The following ASPSCR1 variants were observed in gnomAD, a reference collection of about 807,000 sequenced individuals.
ASPSCR1 encodes ASPSCR1 tether for SLC2A4, UBX domain containing.
A neutral mutation model predicts 68.9 loss-of-function variants in ASPSCR1; 55 were observed. The observed-to-expected ratio is 0.80, with a 90% confidence interval of 0.64 to 1.00. ASPSCR1 has a LOEUF of 1.00. Ranked by LOEUF, ASPSCR1 falls within the 50% of genes least tolerant of loss-of-function variation. ASPSCR1 has a pLI of 0.00. For synonymous variants in ASPSCR1, 352 were observed against 332.6 expected, an observed-to-expected ratio of 1.06 and a Z score of -0.63; for missense variants, 765 against 762.2, an observed-to-expected ratio of 1.00 and a Z score of -0.04.
chr17:82,001,585 G>A (rs941278813), intron 7 of ASPSCR1, among the ~76,000 whole-genome samples: 3 of 152,196 alleles, frequency 2.0e-5, no homozygotes, highest in African/African-American at 7.2e-5. Context: ...AGGAACCCCG[G>A]GGGGTAGGGG....
chr17:82,012,058 C>A, intron 11 of ASPSCR1, 173 bp from the exon 12 acceptor site: 1 of 832,588 alleles, frequency 1.2e-6, no homozygotes, highest in Non-Finnish European at 2.0e-6. Flanking sequence ...CCGGCCCTTC[C>A]GAGCCCTCAG....
chr17:82,008,875 C>T (rs2144084887), intron 7 of ASPSCR1, 162 bp from the exon 8 acceptor site: 2 of 1,031,566 alleles, frequency 1.9e-6, no homozygotes, highest in South Asian at 1.9e-5. Flanking sequence ...GTGCCCAGCC[C>T]TGCCCCCAGG....
Position 81,987,746 on chromosome 17 carries a change from G to C in ASPSCR1, c.374+2139G>C, listed in dbSNP as rs1320746985. Among the ~76,000 whole-genome samples the C allele has an allele frequency of 2.6e-5, 4 of 152,070 alleles. No homozygotes were observed. The highest frequency in any genetic ancestry group is 9.7e-5 in the African/African-American group (4 of 41,374). On this transcript the variant is annotated intron_variant, in intron 4 of 15. Coordinates refer to ENST00000306739, the MANE Select transcript of ASPSCR1 (RefSeq NM_024083.4). The surrounding 1 kb of genome is among the most constrained non-coding windows in gnomAD (Gnocchi z 5.6). ...AAGTGGCTTTGGAGCTGGCTTTGGTGGTGGCTGTGGGGGTGGGTTTGGGCG... is the reference window on the plus strand; with the variant it reads ...AAGTGGCTTTGGAGCTGGCTTTGGTCGTGGCTGTGGGGGTGGGTTTGGGCG...
In ASPSCR1 at chr17:82,015,235, C is replaced by G. The variant is rs748911313; in HGVS notation, c.1354-1241C>G. ...GGTCCATCCAGAGGCCGAGCCTCTC[C>G]AAGCACTGGTCAGCCTCCATGCCAC... On this transcript the variant is annotated intron_variant, in intron 12 of 15. Transcript: ENST00000306739. 1.4e-4 allele frequency: 219 copies of G among 1,598,172 alleles called. 1 individual carries two copies. Among genetic ancestry groups the G allele is most frequent in the Admixed American group, 5.5e-4 (33 of 59,998 alleles).
At chr17:82,009,352 C>T (rs2042832907) in intron 8 of ASPSCR1, 134 bp from the exon 9 acceptor site, 19 of 1,349,928 alleles carry the variant, frequency 1.4e-5, no homozygotes, top group Admixed American at 5.3e-5. Flanking sequence ...CAGGGAGGGG[C>T]GTCCAGACCT....
chr17:81,994,994 G>GA, intron 5 of ASPSCR1, 116 bp downstream of exon 5: 1 of 1,163,532 alleles, frequency 8.6e-7, no homozygotes, highest in Non-Finnish European at 1.2e-6. Context: ...TCGGGCTCTT[G>GA]AAAGCACGAC....
At chr17:81,996,955 G>A in intron 7 of ASPSCR1, 109 bp downstream of exon 7, 1 of 1,506,570 alleles carries the variant, frequency 6.6e-7, no homozygotes, top group South Asian at 1.4e-5. Context: ...TGCGGGCAGA[G>A]GAACCCAAAC....
At chr17:81,985,203 CAT>C (rs1246270146) in intron 3 of ASPSCR1, among the ~76,000 whole-genome samples, 14 of 150,548 alleles carry the variant, frequency 9.3e-5, no homozygotes, top group East Asian at 2.0e-4. Flanking sequence ...CATCCACACA[CAT>C]ACCTGCACAC....
At position 82,012,340 on chromosome 17, in the gene ASPSCR1, C is replaced by T. The variant is rs989221809; in HGVS notation, c.1353+57C>T. ...GCGGGGCCCTCCAGGGAGGGCAGGA[C>T]GAGAGCGTGAGGCCTCGGGCAGGAA... On this transcript the variant is annotated intron_variant, in intron 12 of 15. Coordinates refer to ENST00000306739, the MANE Select transcript of ASPSCR1 (RefSeq NM_024083.4). The T allele has an allele frequency of 3.5e-5, 54 of 1,565,004 alleles. 1 individual carries two copies. The highest frequency in any genetic ancestry group is 1.0e-4 in the Admixed American group (6 of 59,772).
In ASPSCR1 at chr17:81,987,847, CAAAA is replaced by C; in HGVS notation, c.374+2244_374+2247del. 6.6e-6 allele frequency among the ~76,000 whole-genome samples: 1 copy of C among 150,632 alleles called. No homozygotes were observed. Among genetic ancestry groups the C allele is most frequent in the East Asian group, 1.9e-4 (1 of 5,130 alleles). Reference sequence around the variant, plus strand: ...GGGTGACAAGAGCAAAACTCCATCTCAAAAAAACAAAAAAACAAAAGAAACAACA... The same window carrying C: ...GGGTGACAAGAGCAAAACTCCATCTCAAACAAAAAAACAAAAGAAACAACA... On this transcript the variant is annotated intron_variant, in intron 4 of 15. Coordinates refer to ENST00000306739, the MANE Select transcript of ASPSCR1 (RefSeq NM_024083.4). This position sits in a 1 kb window ranked among gnomAD's most constrained non-coding sequence, Gnocchi z 5.6.
chr17:81,977,866 G>T lies in ASPSCR1; in HGVS notation c.102+118G>T, dbSNP rs897707886. ...GCGGGGCCTCGGCGGCCAATGAGCG[G>T]CCTCCTGAGCGGCGGCCCCGCCCCC... On this transcript the variant is annotated intron_variant, in intron 1 of 15. Coordinates refer to ENST00000306739, the MANE Select transcript of ASPSCR1 (RefSeq NM_024083.4). The surrounding 1 kb of genome is among the most constrained non-coding windows in gnomAD (Gnocchi z 5.0). 3 of 706,718 alleles carry T rather than the reference G, an allele frequency of 4.2e-6. No homozygotes were observed. Among genetic ancestry groups the T allele is most frequent in the Non-Finnish European group, 5.7e-6 (3 of 524,764 alleles). The allele number at this position is 706,718 out of a possible 1,614,324, so 43.8% of individuals were successfully genotyped here.
chr17:81,985,042 TC>T (rs369017225), intron 3 of ASPSCR1, among the ~76,000 whole-genome samples: 4,275 of 26,842 alleles, frequency 0.16, 102 homozygotes, highest in African/African-American at 0.21. Flanking sequence ...TGCACACACC[TC>T]CCCCCCACAC....
chr17:81,977,760 C>CAGGTGCGGCCGCCG lies in ASPSCR1; in HGVS notation c.102+12_102+13insAGGTGCGGCCGCCG. ...CCGTGCTGCTTCAGGTGCGGCCGCC[C>CAGGTGCGGCCGCCG]GCCCGGGGCGGACGGGTAGGCGGGC... On this transcript the variant is annotated intron_variant, in intron 1 of 15. Transcript: ENST00000306739. The surrounding 1 kb of genome is among the most constrained non-coding windows in gnomAD (Gnocchi z 5.0). 1 of 1,220,748 alleles carries CAGGTGCGGCCGCCG rather than the reference C, an allele frequency of 8.2e-7. No individual in the cohort carries two copies. The highest frequency in any genetic ancestry group is 1.0e-6 in the Non-Finnish European group (1 of 979,812). 75.6% of individuals were successfully genotyped at this position (1,220,748 alleles called of 1,614,324 possible).
At chr17:82,008,874 C>T (rs1469488323) in intron 7 of ASPSCR1, 163 bp from the exon 8 acceptor site, 1 of 1,016,808 alleles carries the variant, frequency 9.8e-7, no homozygotes, top group Non-Finnish European at 1.3e-6. Flanking sequence ...TGTGCCCAGC[C>T]CTGCCCCCAG....
intron 7 of ASPSCR1, among the ~76,000 whole-genome samples, chr17:82,000,068 C>T (rs913795770): frequency 5.9e-5 from 9 of 152,210 alleles, no homozygotes; most frequent in African/African-American, 2.2e-4. Flanking sequence ...CCCCATGAAG[C>T]GCTCGTGCCC....
intron 7 of ASPSCR1, 64 bp downstream of exon 7, chr17:81,996,910 G>T: frequency 1.3e-6 from 2 of 1,517,376 alleles, no homozygotes; most frequent in Non-Finnish European, 1.8e-6. Flanking sequence ...AGCCCTGCGT[G>T]GCTTTAGCTG....
At chr17:81,984,006 C>T (rs563072476) in intron 3 of ASPSCR1, among the ~76,000 whole-genome samples, 1 of 152,140 alleles carries the variant, frequency 6.6e-6, no homozygotes, top group South Asian at 2.1e-4. Flanking sequence ...AGGTGCCCGC[C>T]ACCACACCCG....
At position 81,977,897 on chromosome 17, in the gene ASPSCR1, G is replaced by C. The variant is rs2041658091; in HGVS notation, c.102+149G>C. 1 of 490,620 alleles carries C rather than the reference G, an allele frequency of 2.0e-6. No homozygotes were observed. The highest frequency in any genetic ancestry group is 2.0e-5 in the African/African-American group (1 of 48,942). 30.4% of individuals were successfully genotyped at this position (490,620 alleles called of 1,614,324 possible). A position where few individuals can be genotyped will look rare whatever the true frequency, so the allele number is the denominator to read the frequency against. On this transcript the variant is annotated intron_variant, in intron 1 of 15. Coordinates refer to ENST00000306739, the MANE Select transcript of ASPSCR1 (RefSeq NM_024083.4). This position sits in a 1 kb window ranked among gnomAD's most constrained non-coding sequence, Gnocchi z 5.0. ...TGAGCGGCGGCCCCGCCCCCTGCTC[G>C]CCGTCACCTGCGCTTCCGCTGGGGT...
chr17:81,985,264 G>A (rs568756749), intron 3 of ASPSCR1, among the ~76,000 whole-genome samples: 20 of 151,468 alleles, frequency 1.3e-4, no homozygotes, highest in African/African-American at 4.6e-4. Flanking sequence ...ACACACGCAC[G>A]CACACCTGCA....
Sources: allele counts gnomAD v4.1 joint callset (sites outside exome capture counted in the v4.1 genomes callset), GRCh38; gene constraint gnomAD v4.1.1; non-coding constraint Gnocchi (gnomAD v3.1); transcripts MANE v1.5; gene names NCBI Gene and HGNC (gene_info 2026-07-23, HGNC 2026-07-21).